Variants in PARD3B observed in about 807,000 individuals in gnomAD.
PARD3B encodes the protein par-3 family cell polarity regulator beta, also known as partitioning defective 3 homolog B.
In PARD3B, 103 loss-of-function variants were observed where a neutral mutation model predicts 130.2. That is an observed-to-expected ratio of 0.79 (90% CI 0.67 to 0.93). The LOEUF is 0.93. Among genes scored for constraint, PARD3B ranks in the 40% least tolerant of loss-of-function variants. The pLI is 0.00. For missense variants in PARD3B, 1,609 were observed against 1,499.2 expected, an observed-to-expected ratio of 1.07 and a Z score of -1.21; for synonymous variants, 583 against 553.2, an observed-to-expected ratio of 1.05 and a Z score of -0.76.
At chr2:205,167,371 T>A (rs2034881977) in intron 11 of PARD3B, among the ~76,000 whole-genome samples, 1 of 152,080 alleles carries the variant, frequency 6.6e-6, no homozygotes, top group South Asian at 2.1e-4. Context: ...TGTAAATATT[T>A]TTTTTTTCAA....
chr2:205,096,877 A>G (rs1226506934), intron 4 of PARD3B, among the ~76,000 whole-genome samples: 1 of 152,206 alleles, frequency 6.6e-6, no homozygotes, highest in African/African-American at 2.4e-5. Flanking sequence ...GAAAAACTTG[A>G]TAGTCTTTCG....
At chr2:205,005,703 A>G (rs1401753053) in intron 3 of PARD3B, among the ~76,000 whole-genome samples, 1 of 152,208 alleles carries the variant, frequency 6.6e-6, no homozygotes, top group Non-Finnish European at 1.5e-5. Flanking sequence ...AAAAAAGCAG[A>G]ATGTTAGCTA....
chr2:204,718,690 G>A (rs1395583048), intron 2 of PARD3B, among the ~76,000 whole-genome samples: 6 of 152,174 alleles, frequency 3.9e-5, no homozygotes, highest in Admixed American at 6.5e-5. Flanking sequence ...CCATTGCCTA[G>A]CAGTAGTCTC....
chr2:205,147,252 C>T (rs933929197), intron 10 of PARD3B, among the ~76,000 whole-genome samples: 7 of 151,936 alleles, frequency 4.6e-5, no homozygotes, highest in African/African-American at 1.7e-4. Flanking sequence ...TTTCTTTAAT[C>T]TTTATCTGGA....
chr2:204,648,565 T>C (rs2035352209), intron 1 of PARD3B, among the ~76,000 whole-genome samples: 1 of 131,730 alleles, frequency 7.6e-6, no homozygotes, highest in Non-Finnish European at 1.6e-5. Context: ...AATATATAAA[T>C]ATAAATATAT....
At chr2:205,536,033 T>C (rs1460936873) in intron 21 of PARD3B, among the ~76,000 whole-genome samples, 1 of 152,164 alleles carries the variant, frequency 6.6e-6, no homozygotes, top group East Asian at 1.9e-4. Flanking sequence ...TAATGAAAAT[T>C]GGAATGGATC....
intron 2 of PARD3B, among the ~76,000 whole-genome samples, chr2:204,817,597 G>A (rs1487773825): frequency 1.3e-5 from 2 of 152,140 alleles, no homozygotes; most frequent in African/African-American, 4.8e-5. Context: ...TAATAGGTAT[G>A]TGTTGAATAA....
chr2:204,569,508 CTG>C (rs2031867815), intron 1 of PARD3B, among the ~76,000 whole-genome samples: 1 of 152,206 alleles, frequency 6.6e-6, no homozygotes, highest in South Asian at 2.1e-4. Context: ...GGGAATGTGA[CTG>C]TGAATCACTG....
rs1033926695 is a variant in PARD3B, at chr2:204,606,901, C to A, written c.120+60782C>A. Among the ~76,000 whole-genome samples, 3 of 152,064 alleles carry A rather than the reference C, an allele frequency of 2.0e-5. No homozygotes were observed. Among genetic ancestry groups the A allele is most frequent in the African/African-American group, 7.2e-5 (3 of 41,410 alleles). ...GTGGTTTTTCTGGGAAATATTAAAG[C>A]CTTGAACAATCCCGTATCTTTTTCA... On this transcript the variant is annotated intron_variant, in intron 1 of 22. Coordinates refer to ENST00000406610, the MANE Select transcript of PARD3B (RefSeq NM_001302769.2). The surrounding 1 kb of genome is among the most constrained non-coding windows in gnomAD (Gnocchi z 4.0).
chr2:204,684,095 G>T (rs2036965168), intron 1 of PARD3B, among the ~76,000 whole-genome samples: 2 of 152,034 alleles, frequency 1.3e-5, no homozygotes, highest in Admixed American at 1.3e-4. Flanking sequence ...TTTTAAATTA[G>T]GACTCTTTGG....
intron 2 of PARD3B, among the ~76,000 whole-genome samples, chr2:204,811,087 T>C (rs2042945044): frequency 6.6e-6 from 1 of 152,154 alleles, no homozygotes; most frequent in African/African-American, 2.4e-5. Context: ...GGTTTTCTAG[T>C]TCATGTGCAT....
At chr2:204,720,187 C>T (rs1334879568) in intron 2 of PARD3B, among the ~76,000 whole-genome samples, 6 of 152,070 alleles carry the variant, frequency 3.9e-5, no homozygotes, top group South Asian at 2.1e-4. Context: ...TTAAATACTG[C>T]GAGCCAGCAG....
chr2:205,251,216 A>T (rs1395881167), intron 16 of PARD3B, among the ~76,000 whole-genome samples: 2 of 152,152 alleles, frequency 1.3e-5, no homozygotes, highest in East Asian at 3.9e-4. Flanking sequence ...TGAGAGGGAC[A>T]TCTAATCTGA....
chr2:205,581,367 GTGTA>G (rs1159470945), intron 22 of PARD3B, among the ~76,000 whole-genome samples: 18 of 139,456 alleles, frequency 1.3e-4, no homozygotes, highest in South Asian at 2.3e-4. Context: ...GTGTGTACGT[GTGTA>G]TGTATGTATA....
At chr2:204,609,115 G>C (rs1437362630) in intron 1 of PARD3B, among the ~76,000 whole-genome samples, 1 of 152,290 alleles carries the variant, frequency 6.6e-6, no homozygotes, top group East Asian at 1.9e-4. Flanking sequence ...TTCTCCAGGA[G>C]GCAGGATTAG....
At chr2:205,181,446 G>C (rs2035782308) in intron 13 of PARD3B, among the ~76,000 whole-genome samples, 3 of 152,202 alleles carry the variant, frequency 2.0e-5, no homozygotes, top group African/African-American at 4.8e-5. Flanking sequence ...TCTGAAGCAG[G>C]AGTCAAAAAA....
intron 21 of PARD3B, among the ~76,000 whole-genome samples, chr2:205,512,903 G>A (rs920377213): frequency 2.0e-5 from 3 of 151,608 alleles, no homozygotes. Context: ...GTTTTCCCAT[G>A]ATCACTAATT....
At chr2:205,211,518 G>T (rs1156472291) in intron 15 of PARD3B, among the ~76,000 whole-genome samples, 1 of 146,542 alleles carries the variant, frequency 6.8e-6, no homozygotes, top group East Asian at 1.9e-4. Flanking sequence ...GAGCGATGAG[G>T]TAAATAAACG....
At chr2:205,349,819 T>TAA (rs1189130985) in intron 18 of PARD3B, among the ~76,000 whole-genome samples, 11 of 147,942 alleles carry the variant, frequency 7.4e-5, no homozygotes, top group African/African-American at 2.8e-4. Context: ...TTTTTTTTTT[T>TAA]TAAAAAAAGA....
Sources: gnomAD v4.1 joint callset for allele counts (sites outside exome capture counted in the v4.1 genomes callset) on GRCh38, gnomAD v4.1.1 for gene constraint, Gnocchi (gnomAD v3.1) non-coding constraint, MANE v1.5 for transcripts, NCBI Gene and HGNC (gene_info 2026-07-23, HGNC 2026-07-21) for gene names.